Variants in PTPRN2 observed in about 807,000 individuals in gnomAD.
PTPRN2 encodes receptor-type tyrosine-protein phosphatase N2.
Under a neutral mutation model 118.8 loss-of-function variants are expected in PTPRN2, and 74 were observed. That is an observed-to-expected ratio of 0.62 (90% CI 0.52 to 0.76). The LOEUF (loss-of-function observed/expected upper bound fraction) is 0.76. PTPRN2 is among the 30% of genes least tolerant of loss of function. The pLI is 0.00. For missense variants in PTPRN2, 1,481 were observed against 1,394.4 expected, an observed-to-expected ratio of 1.06 and a Z score of -0.99; for synonymous variants, 641 against 608.0, an observed-to-expected ratio of 1.05 and a Z score of -0.80.
intron 12 of PTPRN2, among the ~76,000 whole-genome samples, chr7:157,746,992 C>A (rs1406755084): frequency 6.7e-6 from 1 of 149,274 alleles, no homozygotes; most frequent in East Asian, 2.0e-4. Flanking sequence ...TGAGGCGATT[C>A]TGAGGCCTGT....
intron 3 of PTPRN2, among the ~76,000 whole-genome samples, chr7:158,274,167 C>CAGACACAGGAGG: frequency 8.2e-6 from 1 of 121,630 alleles, no homozygotes; most frequent in Admixed American, 8.5e-5. Context: ...GGGGGAGCCG[C>CAGACACAGGAGG]AGACACAGGA....
intron 12 of PTPRN2, chr7:157,865,457 CA>C (rs1810586840): frequency 1.3e-5 from 2 of 152,348 alleles, no homozygotes; most frequent in African/African-American, 4.8e-5. Flanking sequence ...CTCATGCATG[CA>C]CACGTCCATC....
intron 2 of PTPRN2, among the ~76,000 whole-genome samples, chr7:158,449,273 A>G (rs182826630): frequency 1.4e-4 from 22 of 152,312 alleles, no homozygotes; most frequent in African/African-American, 5.3e-4. Context: ...CCCACAACTC[A>G]AGCTCAAGAA....
At chr7:157,544,100 C>T (rs1410529240) in intron 22 of PTPRN2, among the ~76,000 whole-genome samples, 3 of 127,166 alleles carry the variant, frequency 2.4e-5, no homozygotes, top group Non-Finnish European at 5.1e-5. Context: ...TGAAGAGAGG[C>T]GGAGAGAGGT....
At chr7:158,312,119 C>A (rs1801822694) in intron 3 of PTPRN2, among the ~76,000 whole-genome samples, 1 of 76,060 alleles carries the variant, frequency 1.3e-5, no homozygotes, top group Non-Finnish European at 2.9e-5. Flanking sequence ...CCACACAAGG[C>A]AAACACACGT....
At chr7:158,217,219 C>T (rs553212279) in intron 3 of PTPRN2, among the ~76,000 whole-genome samples, 4 of 152,296 alleles carry the variant, frequency 2.6e-5, no homozygotes, top group Admixed American at 2.6e-4. Flanking sequence ...AGAGTGCTTT[C>T]ACCAGCAGCC....
chr7:157,977,835 G>T lies in PTPRN2; in HGVS notation c.1724-79098C>A, dbSNP rs1802866357. Among the ~76,000 whole-genome samples, 2 of 151,784 alleles carry T rather than the reference G, an allele frequency of 1.3e-5. No individual in the cohort carries two copies. The highest frequency in any genetic ancestry group is 1.3e-4 in the Admixed American group (2 of 15,236). On this transcript the variant is annotated intron_variant, in intron 11 of 22. Transcript: ENST00000389418. The surrounding 1 kb of genome is among the most constrained non-coding windows in gnomAD (Gnocchi z 4.6). ...CTGCTGCTGGGGGAGCAGGAAGGGG[G>T]ATCACCCTGACAAGACTGGTGGCAG...
At chr7:158,270,615 G>T (rs1798249719) in intron 3 of PTPRN2, among the ~76,000 whole-genome samples, 1 of 152,020 alleles carries the variant, frequency 6.6e-6, no homozygotes, top group South Asian at 2.1e-4. Context: ...GCAGTAATAA[G>T]GGAAGGTTTC....
At chr7:157,561,557 G>C (rs1799194157) in intron 21 of PTPRN2, among the ~76,000 whole-genome samples, 1 of 152,252 alleles carries the variant, frequency 6.6e-6, no homozygotes, top group Non-Finnish European at 1.5e-5. Context: ...ACTGAGCAGG[G>C]TTCTGCATCT....
intron 2 of PTPRN2, among the ~76,000 whole-genome samples, chr7:158,410,164 G>A (rs1394841738): frequency 6.6e-6 from 1 of 152,136 alleles, no homozygotes; most frequent in African/African-American, 2.4e-5. Flanking sequence ...GCCCATGTCT[G>A]AGCCACCTCC....
chr7:158,520,527 G>C (rs995409563), intron 1 of PTPRN2, among the ~76,000 whole-genome samples: 10 of 152,134 alleles, frequency 6.6e-5, no homozygotes, highest in South Asian at 2.1e-4. Context: ...GAGGCCCCTG[G>C]AGAAACACTC....
chr7:157,712,141 C>CACCATGAGTGGAGGGAGG, intron 12 of PTPRN2, among the ~76,000 whole-genome samples: 1 of 150,518 alleles, frequency 6.6e-6, no homozygotes, highest in African/African-American at 2.5e-5. Flanking sequence ...TGGCTGGGGG[C>CACCATGAGTGGAGGGAGG]GGCCAGTCCT....
At chr7:157,839,356 G>A (rs966066122) in intron 12 of PTPRN2, among the ~76,000 whole-genome samples, 1 of 152,132 alleles carries the variant, frequency 6.6e-6, no homozygotes, top group African/African-American at 2.4e-5. Context: ...GACTGTGTGT[G>A]TCTGTGTGGC....
intron 2 of PTPRN2, among the ~76,000 whole-genome samples, chr7:158,353,832 G>A (rs1451531432): frequency 6.6e-6 from 1 of 152,210 alleles, no homozygotes; most frequent in Non-Finnish European, 1.5e-5. Context: ...GCTCTTGGGT[G>A]CCCTGGCAGG....
intron 11 of PTPRN2, among the ~76,000 whole-genome samples, chr7:158,023,438 G>A (rs4716880): frequency 0.57 from 87,153 of 151,780 alleles, 26,754 homozygotes; most frequent in East Asian, 0.76. Flanking sequence ...TTTTCTTTGC[G>A]GTAATTAACA....
intron 2 of PTPRN2, among the ~76,000 whole-genome samples, chr7:158,460,575 G>A (rs1818910974): frequency 6.6e-6 from 1 of 151,604 alleles, no homozygotes; most frequent in African/African-American, 2.4e-5. Context: ...GCTCCAGGAT[G>A]GGACTCTATC....
In PTPRN2 at chr7:157,730,194, C is replaced by CA. The variant is rs60755041; in HGVS notation, c.1789-47258_1789-47257insT. ...CACTCAGGCCACCACCCCTGCCCCC[C>CA]CCCGGGCACTCGGGGTGAAGCTGTG... On this transcript the variant is annotated intron_variant, in intron 12 of 22. Coordinates refer to ENST00000389418, the MANE Select transcript of PTPRN2 (RefSeq NM_002847.5). Among the ~76,000 whole-genome samples the CA allele has an allele frequency of 8.5e-5, 13 of 152,128 alleles. No individual in the cohort carries two copies. In the East Asian group the frequency reaches 2.5e-3, roughly 29 times the overall value.
chr7:157,916,117 C>T (rs913890213), intron 11 of PTPRN2, among the ~76,000 whole-genome samples: 3 of 152,328 alleles, frequency 2.0e-5, no homozygotes, highest in Non-Finnish European at 2.9e-5. Flanking sequence ...TGGAATCTGC[C>T]GTGACTCTTG....
intron 2 of PTPRN2, among the ~76,000 whole-genome samples, chr7:158,340,438 A>AC (rs1223157715): frequency 1.5e-4 from 5 of 33,374 alleles, no homozygotes; most frequent in Non-Finnish European, 2.4e-4. Context: ...CTCTCACCGT[A>AC]AGAGCTGACA....
Sources: allele counts gnomAD v4.1 joint callset (sites outside exome capture counted in the v4.1 genomes callset), GRCh38; gene constraint gnomAD v4.1.1; non-coding constraint Gnocchi (gnomAD v3.1); transcripts MANE v1.5; gene names NCBI Gene and HGNC (gene_info 2026-07-23, HGNC 2026-07-21).